NPTN: variants seen among roughly 807,000 people sequenced by gnomAD.
NPTN encodes neuroplastin, also known as SDR-1.
NPTN carries 5 observed loss-of-function variants against 42.7 expected under a neutral mutation model. That is an observed-to-expected ratio of 0.12 (90% CI 0.06 to 0.25). The LOEUF (loss-of-function observed/expected upper bound fraction) is 0.25. NPTN is among the 10% of genes least tolerant of loss of function. The pLI is 1.00. For synonymous variants in NPTN, 180 were observed against 201.9 expected, an observed-to-expected ratio of 0.89 and a Z score of 0.92; for missense variants, 307 against 525.4, an observed-to-expected ratio of 0.58 and a Z score of 4.06.
intron 4 of NPTN, among the ~76,000 whole-genome samples, chr15:73,582,379 G>C (rs1896094171): frequency 6.6e-6 from 1 of 152,176 alleles, no homozygotes. Flanking sequence ...CTTGCCAAGA[G>C]CTATGCCCAA....
At chr15:73,600,659 T>C (rs1566978144) in intron 1 of NPTN, among the ~76,000 whole-genome samples, 1 of 152,160 alleles carries the variant, frequency 6.6e-6, no homozygotes, top group Non-Finnish European at 1.5e-5. Context: ...GTTACTTAAG[T>C]TAAAGATATG....
intron 7 of NPTN, among the ~76,000 whole-genome samples, chr15:73,562,779 A>G (rs1405288831): frequency 6.6e-6 from 1 of 152,212 alleles, no homozygotes; most frequent in Non-Finnish European, 1.5e-5. Flanking sequence ...ATGGAAATAC[A>G]GGGACCCTTT....
At position 73,569,201 on chromosome 15, in the gene NPTN, C is replaced by A; in HGVS notation, c.1114+949G>T. ...CAGTCGGCCAATTAATTTCTGTACG[C>A]CGGTCATGTTATAGGGTGGGGATGG... On this transcript the variant is annotated intron_variant, in intron 6 of 8. Coordinates refer to ENST00000345330, the MANE Select transcript of NPTN (RefSeq NM_012428.4). The surrounding 1 kb of genome is among the most constrained non-coding windows in gnomAD (Gnocchi z 4.1). The A allele has an allele frequency of 1.0e-6, 1 of 985,478 alleles. No homozygotes were observed. The highest frequency in any genetic ancestry group is 1.7e-5 in the African/African-American group (1 of 57,326). The allele number at this position is 985,478 out of a possible 1,614,324, so 61.0% of individuals were successfully genotyped here.
rs1894606736 is a variant in NPTN at position 73,560,625 on chromosome 15, TATATA to T, written c.*433_*437del. 1 of 147,112 alleles carries T rather than the reference TATATA, an allele frequency of 6.8e-6. No individual in the cohort carries two copies. The highest frequency in any genetic ancestry group is 1.5e-5 in the Non-Finnish European group (1 of 66,790). 9.1% of individuals were successfully genotyped at this position (147,112 alleles called of 1,614,324 possible). On this transcript the variant is annotated 3_prime_UTR_variant, in exon 9 of 9. Coordinates refer to ENST00000345330, the MANE Select transcript of NPTN (RefSeq NM_012428.4). The stretch of plus-strand genomic sequence containing the variant: ...TTTCTCCCACCCCCAAAAATATAAA[TATATA>T]TATATATATATTTATATACTGTATA...
intron 1 of NPTN, among the ~76,000 whole-genome samples, chr15:73,619,463 T>C (rs891197907): frequency 1.3e-5 from 2 of 152,252 alleles, no homozygotes; most frequent in African/African-American, 2.4e-5. Context: ...AACATGTCAC[T>C]TCTATGGAAC....
chr15:73,566,842 G>A (rs117730029), intron 6 of NPTN, among the ~76,000 whole-genome samples: 4,992 of 152,240 alleles, frequency 0.033, 138 homozygotes, highest in Non-Finnish European at 0.05. Context: ...TGAAAATACT[G>A]AAGGTAAAGG....
At chr15:73,573,876 C>G (rs1895545092) in intron 4 of NPTN, 81 bp from the exon 5 acceptor site, 2 of 1,534,748 alleles carry the variant, frequency 1.3e-6, no homozygotes. Context: ...GGCTCAGAGC[C>G]CTGCTTGTAA....
intron 6 of NPTN, among the ~76,000 whole-genome samples, chr15:73,565,572 AG>A (rs767316680): frequency 6.6e-6 from 1 of 152,124 alleles, no homozygotes; most frequent in African/African-American, 2.4e-5. Flanking sequence ...GATGCAATTG[AG>A]GGGGGAAAAA....
At chr15:73,606,323 C>G (rs1447281941) in intron 1 of NPTN, among the ~76,000 whole-genome samples, 1 of 152,188 alleles carries the variant, frequency 6.6e-6, no homozygotes. Flanking sequence ...GAGAAAAATG[C>G]AGCAGCCACA....
At chr15:73,621,662 C>T (rs1298157925) in intron 1 of NPTN, among the ~76,000 whole-genome samples, 1 of 152,198 alleles carries the variant, frequency 6.6e-6, no homozygotes, top group Non-Finnish European at 1.5e-5. Context: ...TACTTAACTT[C>T]ATTACCCAAC....
chr15:73,585,804 G>A (rs1896290930), intron 4 of NPTN, among the ~76,000 whole-genome samples: 1 of 152,192 alleles, frequency 6.6e-6, no homozygotes, highest in Non-Finnish European at 1.5e-5. Flanking sequence ...TATTTGTACA[G>A]TGAGAATCCA....
intron 4 of NPTN, among the ~76,000 whole-genome samples, chr15:73,576,017 C>T (rs769124667): frequency 6.6e-6 from 1 of 152,200 alleles, no homozygotes; most frequent in Non-Finnish European, 1.5e-5. Flanking sequence ...TTTCCCACAG[C>T]TACTCAGTCA....
At chr15:73,581,503 T>C (rs1262189048) in intron 4 of NPTN, among the ~76,000 whole-genome samples, 1 of 152,202 alleles carries the variant, frequency 6.6e-6, no homozygotes, top group African/African-American at 2.4e-5. Flanking sequence ...CTAGTCACAC[T>C]GGTTAATGGC....
chr15:73,602,177 C>T (rs1199539784), intron 1 of NPTN, among the ~76,000 whole-genome samples: 1 of 9,716 alleles, frequency 1.0e-4, no homozygotes, highest in Non-Finnish European at 7.5e-3. Flanking sequence ...ACCTCCAGGG[C>T]AACCCACAGA....
intron 3 of NPTN, among the ~76,000 whole-genome samples, chr15:73,589,158 G>A (rs564789406): frequency 5.3e-5 from 8 of 151,938 alleles, no homozygotes; most frequent in Admixed American, 5.2e-4. Context: ...ATGGCGAAAC[G>A]CTATCTCTAC....
In NPTN at chr15:73,569,369, C is replaced by T; in HGVS notation, c.1114+781G>A. 2.1e-5 allele frequency: 21 copies of T among 985,564 alleles called. No individual in the cohort carries two copies. Among genetic ancestry groups the T allele is most frequent in the Non-Finnish European group, 2.5e-5 (21 of 830,006 alleles). 61.1% of individuals were successfully genotyped at this position (985,564 alleles called of 1,614,324 possible). A position where few individuals can be genotyped will look rare whatever the true frequency, so the allele number is the denominator to read the frequency against. On this transcript the variant is annotated intron_variant, in intron 6 of 8. Transcript: ENST00000345330. The surrounding 1 kb of genome is among the most constrained non-coding windows in gnomAD (Gnocchi z 4.1). ...CAATAACCTAAGATTTCAGCTCTTG[C>T]TCTTTCCAGTGCTCAGTGGTGTGCT... is the stretch of plus-strand genomic sequence containing the variant.
In NPTN at chr15:73,591,968, G is replaced by A; in HGVS notation, c.609C>T (p.Tyr203=). 2 of 1,611,570 alleles carry A rather than the reference G, an allele frequency of 1.2e-6. No homozygotes were observed. Among genetic ancestry groups the A allele is most frequent in the Non-Finnish European group, 1.7e-6 (2 of 1,178,640 alleles). Reference sequence around the variant, plus strand: ...CAGGAGCTGCCCACCACTCTCACCTGTACTCCATGTTGCTGGCATTCTTAC... The same window carrying A: ...CAGGAGCTGCCCACCACTCTCACCTATACTCCATGTTGCTGGCATTCTTAC... ...ATRKNASNME[Y]RINKPRAEDS... The change falls in exon 3 of 9, where the codon TAC becomes TAT. Residue 203 remains tyrosine, a splice_region_variant and synonymous_variant. Transcript: ENST00000345330.
At chr15:73,615,915 CA>C (rs1247954428) in intron 1 of NPTN, among the ~76,000 whole-genome samples, 1 of 151,962 alleles carries the variant, frequency 6.6e-6, no homozygotes, top group African/African-American at 2.4e-5. Context: ...AGAGACTTAA[CA>C]GCACATTTCT....
intron 5 of NPTN, 27 bp downstream of exon 5, chr15:73,573,635 A>G (rs1461922284): frequency 7.2e-6 from 11 of 1,537,350 alleles, no homozygotes; most frequent in African/African-American, 1.4e-5. Context: ...TCCAGCAACC[A>G]GAGACCCGGG....
Sources: gnomAD v4.1 joint callset for allele counts (sites outside exome capture counted in the v4.1 genomes callset) on GRCh38, gnomAD v4.1.1 for gene constraint, Gnocchi (gnomAD v3.1) non-coding constraint, MANE v1.5 for transcripts, NCBI Gene and HGNC (gene_info 2026-07-23, HGNC 2026-07-21) for gene names.